KCNMB2: variants seen among roughly 807,000 people sequenced by gnomAD.
KCNMB2 encodes calcium-activated potassium channel subunit beta-2.
Under a neutral mutation model 24.5 loss-of-function variants are expected in KCNMB2, and 9 were observed. The ratio of observed to expected loss-of-function variants is 0.37; its 90% confidence interval spans 0.22 to 0.64. The LOEUF (loss-of-function observed/expected upper bound fraction) is 0.64, where lower values mean the gene tolerates loss of function less well. Among genes scored for constraint, KCNMB2 ranks in the 30% least tolerant of loss-of-function variants. KCNMB2 has a pLI of 0.63. For missense variants in KCNMB2, 226 were observed against 284.3 expected, an observed-to-expected ratio of 0.79 and a Z score of 1.47; for synonymous variants, 109 against 104.4, an observed-to-expected ratio of 1.04 and a Z score of -0.27.
At chr3:178,788,718 G>T (rs1255287966) in intron 1 of KCNMB2, among the ~76,000 whole-genome samples, 1 of 152,126 alleles carries the variant, frequency 6.6e-6, no homozygotes, top group Non-Finnish European at 1.5e-5. Flanking sequence ...AACCTGAGAT[G>T]GTCATTTCTG....
chr3:178,814,760 T>C (rs1193368493), intron 2 of KCNMB2, among the ~76,000 whole-genome samples: 1 of 152,196 alleles, frequency 6.6e-6, no homozygotes, highest in Non-Finnish European at 1.5e-5. Flanking sequence ...CTTGCATATA[T>C]GTGTCTTTTT....
intron 1 of KCNMB2, among the ~76,000 whole-genome samples, chr3:178,776,786 G>C (rs1319502365): frequency 6.6e-6 from 1 of 152,142 alleles, no homozygotes; most frequent in Admixed American, 6.5e-5. Flanking sequence ...ACCAGAAGTT[G>C]TATAATCAGA....
At position 178,588,740 on chromosome 3, in the gene KCNMB2, G is replaced by A. The variant is rs575283974; in HGVS notation, c.-68+52029G>A. Among the ~76,000 whole-genome samples the A allele has an allele frequency of 1.7e-4, 26 of 152,090 alleles. No individual in the cohort carries two copies. In the East Asian group the frequency reaches 3.1e-3, roughly 18 times the overall value. Reference sequence around the variant, plus strand: ...CTGGGAGGTAGCTATTACGACTTCCGTTTGAAGACACTGAACCCAGCTACC... The same window carrying A: ...CTGGGAGGTAGCTATTACGACTTCCATTTGAAGACACTGAACCCAGCTACC... On this transcript the variant is annotated intron_variant, in intron 1 of 4. Coordinates refer to ENST00000452583, the MANE Select transcript of KCNMB2 (RefSeq NM_181361.3).
intron 1 of KCNMB2, among the ~76,000 whole-genome samples, chr3:178,778,839 T>C (rs1712706415): frequency 6.6e-6 from 1 of 152,188 alleles, no homozygotes; most frequent in South Asian, 2.1e-4. Context: ...AGTCATTTAA[T>C]CATCCATTTC....
intron 1 of KCNMB2, among the ~76,000 whole-genome samples, chr3:178,692,495 C>G (rs543087693): frequency 6.6e-6 from 1 of 152,244 alleles, no homozygotes; most frequent in East Asian, 1.9e-4. Flanking sequence ...ATTTATTGAA[C>G]AGGGAATCCT....
At chr3:178,551,932 C>G (rs1715966603) in intron 1 of KCNMB2, among the ~76,000 whole-genome samples, 1 of 152,150 alleles carries the variant, frequency 6.6e-6, no homozygotes, top group South Asian at 2.1e-4. Context: ...TCCCTAGGTA[C>G]CAGTGTGCAC....
intron 1 of KCNMB2, among the ~76,000 whole-genome samples, chr3:178,774,636 C>T (rs1712507472): frequency 6.6e-6 from 1 of 152,286 alleles, no homozygotes; most frequent in Admixed American, 6.5e-5. Context: ...AGGAAAAGCA[C>T]ACACTGAGGG....
intron 1 of KCNMB2, among the ~76,000 whole-genome samples, chr3:178,732,033 C>G (rs996646168): frequency 2.6e-5 from 4 of 152,110 alleles, no homozygotes; most frequent in African/African-American, 7.2e-5. Context: ...GGGAAACAAT[C>G]TATTTCTGCA....
intron 1 of KCNMB2, among the ~76,000 whole-genome samples, chr3:178,750,943 C>G (rs188056849): frequency 6.6e-6 from 1 of 152,104 alleles, no homozygotes; most frequent in East Asian, 1.9e-4. Context: ...CTCAATGGAT[C>G]GACTTGTTAT....
intron 1 of KCNMB2, among the ~76,000 whole-genome samples, chr3:178,707,294 C>T (rs1722310417): frequency 1.3e-5 from 2 of 152,204 alleles, no homozygotes; most frequent in African/African-American, 4.8e-5. Context: ...AAGTAGCTCT[C>T]AGAGTTGTTG....
At chr3:178,638,173 C>T (rs959190875) in intron 1 of KCNMB2, among the ~76,000 whole-genome samples, 1 of 152,122 alleles carries the variant, frequency 6.6e-6, no homozygotes, top group Non-Finnish European at 1.5e-5. Flanking sequence ...GAAATAGCTA[C>T]CAGAGTTATT....
At chr3:178,549,169 T>C (rs1315174533) in intron 1 of KCNMB2, among the ~76,000 whole-genome samples, 1 of 152,126 alleles carries the variant, frequency 6.6e-6, no homozygotes, top group Non-Finnish European at 1.5e-5. Flanking sequence ...ACTGAATATA[T>C]AAATGAATAT....
intron 1 of KCNMB2, among the ~76,000 whole-genome samples, chr3:178,755,054 T>C (rs951417990): frequency 6.6e-6 from 1 of 152,194 alleles, no homozygotes; most frequent in African/African-American, 2.4e-5. Flanking sequence ...TAGGCTCCCC[T>C]ACCGCATCTA....
intron 1 of KCNMB2, among the ~76,000 whole-genome samples, chr3:178,723,920 A>T (rs1722885550): frequency 6.6e-6 from 1 of 152,136 alleles, no homozygotes; most frequent in African/African-American, 2.4e-5. Context: ...TGTCTTTGCT[A>T]TTGTGAATAG....
At chr3:178,751,070 GT>G (rs1445051461) in intron 1 of KCNMB2, among the ~76,000 whole-genome samples, 1 of 151,448 alleles carries the variant, frequency 6.6e-6, no homozygotes, top group East Asian at 1.9e-4. Context: ...TAACTAAATA[GT>G]TTGCATTTTT....
chr3:178,834,953 G>T (rs938462217), intron 4 of KCNMB2, among the ~76,000 whole-genome samples: 5 of 151,866 alleles, frequency 3.3e-5, no homozygotes, highest in African/African-American at 1.2e-4. Context: ...CCAAGACAGA[G>T]GGCCATGGTG....
At chr3:178,580,094 C>T (rs1031064933) in intron 1 of KCNMB2, among the ~76,000 whole-genome samples, 1 of 152,132 alleles carries the variant, frequency 6.6e-6, no homozygotes, top group Admixed American at 6.5e-5. Flanking sequence ...CAATATCAGG[C>T]CTGATGAACA....
intron 1 of KCNMB2, among the ~76,000 whole-genome samples, chr3:178,573,788 A>G (rs13086113): frequency 0.11 from 16,860 of 149,646 alleles, 1,124 homozygotes; most frequent in Middle Eastern, 0.23. Flanking sequence ...TTTAGCAGCA[A>G]TGTTGTATGA....
intron 1 of KCNMB2, among the ~76,000 whole-genome samples, chr3:178,678,719 G>A (rs9830098): frequency 6.6e-6 from 1 of 152,212 alleles, no homozygotes; most frequent in Non-Finnish European, 1.5e-5. Flanking sequence ...AACATTTTCT[G>A]TATTCAATGG....
Sources: allele counts gnomAD v4.1 joint callset (sites outside exome capture counted in the v4.1 genomes callset), GRCh38; gene constraint gnomAD v4.1.1; transcripts MANE v1.5; gene names NCBI Gene and HGNC (gene_info 2026-07-23, HGNC 2026-07-21).